Variants in ASIC2 observed in about 807,000 individuals in gnomAD.
ASIC2 encodes acid-sensing ion channel 2.
Under a neutral mutation model 57.3 loss-of-function variants are expected in ASIC2, and 25 were observed. The observed-to-expected ratio is 0.44, with a 90% CI of 0.32 to 0.61. The LOEUF is 0.61. Ranked by LOEUF, ASIC2 falls within the 20% of genes least tolerant of loss-of-function variation. The pLI is 0.06. For synonymous variants in ASIC2, 319 were observed against 307.5 expected, an observed-to-expected ratio of 1.04 and a Z score of -0.39; for missense variants, 641 against 738.1, an observed-to-expected ratio of 0.87 and a Z score of 1.52.
chr17:33,501,854 G>A (rs1024707565), intron 1 of ASIC2, among the ~76,000 whole-genome samples: 1 of 152,232 alleles, frequency 6.6e-6, no homozygotes, highest in Non-Finnish European at 1.5e-5. Context: ...CTGTATAGTT[G>A]TGGCATTGTG....
At chr17:33,511,217 T>C (rs1489633454) in intron 1 of ASIC2, among the ~76,000 whole-genome samples, 2 of 148,084 alleles carry the variant, frequency 1.4e-5, no homozygotes, top group Non-Finnish European at 3.0e-5. Flanking sequence ...TCAGTCACCA[T>C]ACAAAAGCAG....
intron 1 of ASIC2, among the ~76,000 whole-genome samples, chr17:33,145,009 G>A (rs899311824): frequency 6.6e-6 from 1 of 152,204 alleles, no homozygotes; most frequent in African/African-American, 2.4e-5. Context: ...CAGGTGCCAC[G>A]TGAGTGCTTA....
At chr17:33,721,967 C>T (rs991559885) in intron 1 of ASIC2, among the ~76,000 whole-genome samples, 1 of 152,182 alleles carries the variant, frequency 6.6e-6, no homozygotes, top group African/African-American at 2.4e-5. Context: ...CAAACCACAG[C>T]ACCAGAAGGA....
intron 1 of ASIC2, among the ~76,000 whole-genome samples, chr17:33,918,305 C>T (rs1196221021): frequency 1.3e-5 from 2 of 152,108 alleles, no homozygotes; most frequent in Non-Finnish European, 2.9e-5. Flanking sequence ...CTGGCACTTT[C>T]CACTTTTAAA....
intron 1 of ASIC2, among the ~76,000 whole-genome samples, chr17:33,932,161 TCCTGCAGAGGAA>T (rs1915945513): frequency 6.6e-6 from 1 of 152,098 alleles, no homozygotes; most frequent in South Asian, 2.1e-4. Flanking sequence ...CACCAGGTGC[TCCTGCAGAGGAA>T]CCTGGTGTCT....
chr17:34,116,876 ATG>A (rs747114730), intron 1 of ASIC2, among the ~76,000 whole-genome samples: 1 of 151,588 alleles, frequency 6.6e-6, no homozygotes, highest in East Asian at 1.9e-4. Flanking sequence ...GGCGTATAAT[ATG>A]TGTGTGTGTG....
intron 1 of ASIC2, among the ~76,000 whole-genome samples, chr17:33,964,367 G>A (rs907784151): frequency 2.0e-5 from 3 of 152,206 alleles, no homozygotes; most frequent in African/African-American, 7.2e-5. Flanking sequence ...GAATGGTGAT[G>A]GAATCAGACA....
At chr17:33,464,510 T>C (rs186937601) in intron 1 of ASIC2, among the ~76,000 whole-genome samples, 3 of 36,418 alleles carry the variant, frequency 8.2e-5, no homozygotes, top group African/African-American at 1.2e-4. Flanking sequence ...CTTTCTTTCT[T>C]TCTTTCTTTC....
chr17:33,605,582 G>A (rs1487793615), intron 1 of ASIC2, among the ~76,000 whole-genome samples: 1 of 152,000 alleles, frequency 6.6e-6, no homozygotes, highest in African/African-American at 2.4e-5. Flanking sequence ...CTGCTAAACT[G>A]GTATTCCATG....
At chr17:33,132,039 A>G (rs571452847) in intron 1 of ASIC2, among the ~76,000 whole-genome samples, 2 of 152,248 alleles carry the variant, frequency 1.3e-5, no homozygotes, top group South Asian at 4.1e-4. Flanking sequence ...GGTTCCCTTT[A>G]TGGAGAGCTG....
At chr17:34,150,846 G>A (rs1334810386) in intron 1 of ASIC2, among the ~76,000 whole-genome samples, 3 of 152,130 alleles carry the variant, frequency 2.0e-5, no homozygotes, top group Non-Finnish European at 4.4e-5. Flanking sequence ...GTGGCGTGGT[G>A]GCTCACACCT....
At chr17:34,094,517 A>T (rs993828958) in intron 1 of ASIC2, among the ~76,000 whole-genome samples, 5 of 152,218 alleles carry the variant, frequency 3.3e-5, no homozygotes, top group African/African-American at 1.2e-4. Flanking sequence ...GATGAGGATG[A>T]TACATGGGAA....
intron 1 of ASIC2, among the ~76,000 whole-genome samples, chr17:33,209,097 A>G (rs1907177336): frequency 6.6e-6 from 1 of 152,146 alleles, no homozygotes. Context: ...TAGAGGTAGA[A>G]GAGCCAGAAC....
At chr17:33,577,428 T>TGACATG (rs1377121902) in intron 1 of ASIC2, among the ~76,000 whole-genome samples, 2 of 152,154 alleles carry the variant, frequency 1.3e-5, no homozygotes, top group Non-Finnish European at 2.9e-5. Context: ...CAGGGCAGCC[T>TGACATG]GACATGGGAT....
chr17:33,329,910 C>G (rs555476608), intron 1 of ASIC2, among the ~76,000 whole-genome samples: 43 of 152,088 alleles, frequency 2.8e-4, no homozygotes, highest in Non-Finnish European at 5.6e-4. Context: ...GAAGGAGGAA[C>G]CTACTTGGGG....
chr17:33,030,039 T>C (rs1392355099), intron 3 of ASIC2, among the ~76,000 whole-genome samples: 1 of 152,260 alleles, frequency 6.6e-6, no homozygotes, highest in African/African-American at 2.4e-5. Context: ...CAGACACATG[T>C]ATTGTAAATA....
chr17:33,904,750 C>A (rs1406600475), intron 1 of ASIC2, among the ~76,000 whole-genome samples: 1 of 152,202 alleles, frequency 6.6e-6, no homozygotes, highest in Non-Finnish European at 1.5e-5. Context: ...TTATCAGATG[C>A]AAAAGCTACA....
intron 1 of ASIC2, among the ~76,000 whole-genome samples, chr17:33,742,676 G>A (rs779974716): frequency 1.4e-4 from 21 of 152,218 alleles, no homozygotes; most frequent in Non-Finnish European, 2.2e-4. Flanking sequence ...TTGCAGCTGG[G>A]AAATGGGTGG....
At chr17:33,439,133 C>T (rs1911735456) in intron 1 of ASIC2, among the ~76,000 whole-genome samples, 1 of 152,196 alleles carries the variant, frequency 6.6e-6, no homozygotes, top group Admixed American at 6.5e-5. Flanking sequence ...CATGAGCCAT[C>T]ACACCCGGCC....
Sources: allele counts gnomAD v4.1 joint callset (sites outside exome capture counted in the v4.1 genomes callset), GRCh38; gene constraint gnomAD v4.1.1; transcripts MANE v1.5; gene names NCBI Gene and HGNC (gene_info 2026-07-23, HGNC 2026-07-21).